The following FHOD3 variants were observed in gnomAD, a reference collection of about 807,000 sequenced individuals.
FHOD3 encodes the protein FH1/FH2 domain-containing protein 3.
A neutral mutation model predicts 173.0 loss-of-function variants in FHOD3; 90 were observed. That is an observed-to-expected ratio of 0.52 (90% CI 0.44 to 0.62). The LOEUF (loss-of-function observed/expected upper bound fraction) is 0.62. Ranked by LOEUF, FHOD3 falls within the 20% of genes least tolerant of loss-of-function variation. The pLI is 0.00. For missense variants in FHOD3, 1,945 were observed against 2,034.7 expected (o/e 0.96, Z 0.85); for synonymous variants, 828 against 823.0 (o/e 1.01, Z -0.10).
intron 24 of FHOD3, among the ~76,000 whole-genome samples, chr18:36,752,508 CT>C (rs1470629800): frequency 6.6e-6 from 1 of 152,172 alleles, no homozygotes; most frequent in Non-Finnish European, 1.5e-5. Flanking sequence ...ACCATACAAT[CT>C]TCATATCATG....
intron 5 of FHOD3, among the ~76,000 whole-genome samples, chr18:36,525,414 AC>A (rs1461544563): frequency 6.6e-6 from 1 of 152,150 alleles, no homozygotes; most frequent in African/African-American, 2.4e-5. Flanking sequence ...ACCACAACTG[AC>A]ACCTTGATTG....
At chr18:36,548,466 A>G (rs1405252503) in intron 5 of FHOD3, among the ~76,000 whole-genome samples, 1 of 152,214 alleles carries the variant, frequency 6.6e-6, no homozygotes, top group East Asian at 1.9e-4. Context: ...TACTTAAGGC[A>G]TAAAATCTTG....
intron 5 of FHOD3, among the ~76,000 whole-genome samples, chr18:36,527,508 A>G (rs1011610464): frequency 2.6e-5 from 4 of 152,208 alleles, no homozygotes; most frequent in Non-Finnish European, 5.9e-5. Flanking sequence ...GCAGCAAGAC[A>G]CTGCAGGGAG....
intron 17 of FHOD3, among the ~76,000 whole-genome samples, chr18:36,702,597 C>A (rs1212166387): frequency 6.6e-6 from 1 of 152,130 alleles, no homozygotes; most frequent in Non-Finnish European, 1.5e-5. Flanking sequence ...ATAAGACCTG[C>A]CAGAAAGCCA....
chr18:36,362,240 C>A (rs567424364), intron 2 of FHOD3, among the ~76,000 whole-genome samples: 4 of 152,098 alleles, frequency 2.6e-5, no homozygotes, highest in African/African-American at 4.8e-5. Flanking sequence ...GCCTAATGAA[C>A]CTAAACCTGG....
At chr18:36,484,319 C>G (rs935948418) in intron 3 of FHOD3, among the ~76,000 whole-genome samples, 3 of 151,848 alleles carry the variant, frequency 2.0e-5, no homozygotes, top group Non-Finnish European at 2.9e-5. Flanking sequence ...CTCCGATGAC[C>G]TGCTTTGCAA....
chr18:36,516,912 G>A (rs1003408833), intron 5 of FHOD3, among the ~76,000 whole-genome samples: 1 of 152,274 alleles, frequency 6.6e-6, no homozygotes, highest in Admixed American at 6.5e-5. Context: ...AAAGCATGTG[G>A]AGAATCCAGG....
chr18:36,615,288 A>C (rs900646012), intron 9 of FHOD3, among the ~76,000 whole-genome samples: 1 of 152,114 alleles, frequency 6.6e-6, no homozygotes, highest in African/African-American at 2.4e-5. Context: ...GATCAGTCTT[A>C]TTAATAGTAA....
chr18:36,514,949 A>G (rs1344511270), intron 5 of FHOD3, among the ~76,000 whole-genome samples: 1 of 152,206 alleles, frequency 6.6e-6, no homozygotes, highest in African/African-American at 2.4e-5. Context: ...GCTTGAGGTT[A>G]TGAGTCCCAG....
At chr18:36,572,788 T>C (rs2058499258) in intron 5 of FHOD3, among the ~76,000 whole-genome samples, 1 of 152,166 alleles carries the variant, frequency 6.6e-6, no homozygotes. Flanking sequence ...CCCGTGGATA[T>C]ACCTTCCAGA....
At position 36,727,990 on chromosome 18, in the gene FHOD3, C is replaced by G. The variant is rs1600444360; in HGVS notation, c.3418-2656C>G. ...GCTGCCATCCTGTGCTCACAAGACA[C>G]CTGCTACTGCACCTCCAGACCCCTA... is the stretch of plus-strand genomic sequence containing the variant. On this transcript the variant is annotated intron_variant, in intron 19 of 28. Coordinates refer to ENST00000590592, the MANE Select transcript of FHOD3 (RefSeq NM_001281740.3). Among the ~76,000 whole-genome samples the G allele has an allele frequency of 3.3e-5, 5 of 152,330 alleles. 1 individual carries two copies. The highest frequency in any genetic ancestry group is 3.3e-4 in the Admixed American group (5 of 15,308).
chr18:36,734,214 C>G (rs541178598), intron 20 of FHOD3, among the ~76,000 whole-genome samples: 1 of 152,148 alleles, frequency 6.6e-6, no homozygotes. Flanking sequence ...ATAGTCACAA[C>G]GACACAGAGT....
chr18:36,317,294 G>T (rs965733423), intron 1 of FHOD3, among the ~76,000 whole-genome samples: 3 of 152,162 alleles, frequency 2.0e-5, no homozygotes, highest in African/African-American at 7.2e-5. Context: ...TTGAGGAATT[G>T]CCACACTGTC....
chr18:36,679,780 C>T (rs2038114537), intron 14 of FHOD3, among the ~76,000 whole-genome samples: 1 of 151,974 alleles, frequency 6.6e-6, no homozygotes, highest in African/African-American at 2.4e-5. Context: ...GGCATTCATT[C>T]TTGAGCTTTG....
chr18:36,568,618 C>G (rs1565979), intron 5 of FHOD3, among the ~76,000 whole-genome samples: 93,210 of 151,830 alleles, frequency 0.61, 28,988 homozygotes, highest in East Asian at 0.67. Context: ...ACATACAGAG[C>G]TCAACCAAAT....
At chr18:36,576,899 C>T (rs1416756942) in intron 6 of FHOD3, among the ~76,000 whole-genome samples, 1 of 152,158 alleles carries the variant, frequency 6.6e-6, no homozygotes, top group East Asian at 1.9e-4. Flanking sequence ...TCGAGACCAG[C>T]CTGGCCAACA....
intron 1 of FHOD3, among the ~76,000 whole-genome samples, chr18:36,325,350 A>G (rs480906): frequency 0.69 from 104,474 of 152,068 alleles, 36,732 homozygotes; most frequent in Middle Eastern, 0.8. Context: ...AGATGGAAGC[A>G]ATTGGTATAG....
intron 8 of FHOD3, among the ~76,000 whole-genome samples, chr18:36,603,886 A>G (rs1039544066): frequency 1.3e-5 from 2 of 152,222 alleles, no homozygotes; most frequent in African/African-American, 2.4e-5. Flanking sequence ...ACATGTCAGG[A>G]AGACACGAGG....
chr18:36,763,043 TA>T (rs1354082892), intron 27 of FHOD3, among the ~76,000 whole-genome samples: 1 of 131,448 alleles, frequency 7.6e-6, no homozygotes, highest in Non-Finnish European at 1.7e-5. Context: ...ATAATATGCG[TA>T]TTATACACGT....
Sources: gnomAD v4.1 joint callset for allele counts (sites outside exome capture counted in the v4.1 genomes callset) on GRCh38, gnomAD v4.1.1 for gene constraint, MANE v1.5 for transcripts, NCBI Gene and HGNC (gene_info 2026-07-23, HGNC 2026-07-21) for gene names.